Variants in LAMA1 observed in about 807,000 individuals in gnomAD.
The protein encoded by LAMA1 is laminin subunit alpha-1.
A neutral mutation model predicts 348.7 loss-of-function variants in LAMA1; 219 were observed. That is an observed-to-expected ratio of 0.63 (90% CI 0.56 to 0.70). LAMA1 has a LOEUF of 0.70. LAMA1 is among the 30% of genes least tolerant of loss of function. The probability of loss-of-function intolerance (pLI) is 0.00; values close to 1 mark genes in which losing one functional copy is unlikely to be tolerated. For synonymous variants in LAMA1, 1,487 were observed against 1,491.0 expected, an observed-to-expected ratio of 1.00 and a Z score of 0.06; for missense variants, 3,744 against 3,888.0, an observed-to-expected ratio of 0.96 and a Z score of 0.99.
In LAMA1 at chr18:7,072,094, TATG is replaced by T. The variant is rs1343991554; in HGVS notation, c.345+7878_345+7880del. 2.0e-5 allele frequency among the ~76,000 whole-genome samples: 3 copies of T among 152,242 alleles called. No homozygotes were observed. In the East Asian group the frequency reaches 5.8e-4, roughly 29 times the overall value. On this transcript the variant is annotated intron_variant, in intron 3 of 62. Coordinates refer to ENST00000389658, the MANE Select transcript of LAMA1 (RefSeq NM_005559.4). ...ACACTTATCTTATCTTCCATTTTTC[TATG>T]ATGATTCCATCTTAATTTCCTAATC...
chr18:7,057,716 T>A (rs1455385354), intron 3 of LAMA1, among the ~76,000 whole-genome samples: 2 of 151,886 alleles, frequency 1.3e-5, no homozygotes, highest in East Asian at 1.9e-4. Context: ...TGGGCTCAAG[T>A]GATCCACCCG....
intron 16 of LAMA1, among the ~76,000 whole-genome samples, chr18:7,027,526 A>G (rs1346496668): frequency 1.3e-5 from 2 of 151,542 alleles, no homozygotes. Flanking sequence ...AAATAACTAG[A>G]CATGAGAAAC....
chr18:7,062,526 G>A (rs1219237827), intron 3 of LAMA1, among the ~76,000 whole-genome samples: 2 of 152,168 alleles, frequency 1.3e-5, no homozygotes, highest in African/African-American at 2.4e-5. Context: ...CAGGGTCACC[G>A]GAGCTGAAGG....
intron 11 of LAMA1, chr18:7,038,573 T>G: frequency 1.7e-6 from 1 of 602,642 alleles, no homozygotes; most frequent in Non-Finnish European, 3.0e-6. Flanking sequence ...CAAGACGTGT[T>G]CTCTAGTGCC....
At chr18:7,116,826 C>T (rs543899999) in intron 1 of LAMA1, among the ~76,000 whole-genome samples, 4 of 148,714 alleles carry the variant, frequency 2.7e-5, no homozygotes, top group East Asian at 3.9e-4. Context: ...TTCTCTCTCT[C>T]TTTCTTTCTT....
chr18:6,947,372 G>A, intron 60 of LAMA1, 76 bp from the exon 61 acceptor site: 1 of 1,585,182 alleles, frequency 6.3e-7, no homozygotes, highest in Non-Finnish European at 8.6e-7. Flanking sequence ...TCCTGGCTAG[G>A]GGTTGGGGGA....
intron 62 of LAMA1, 42 bp downstream of exon 62, chr18:6,943,138 A>G: frequency 6.5e-7 from 1 of 1,540,966 alleles, no homozygotes; most frequent in Non-Finnish European, 9.0e-7. Flanking sequence ...TCCTCCAGGG[A>G]CAGTGCCCCT....
intron 19 of LAMA1, among the ~76,000 whole-genome samples, chr18:7,022,290 G>T (rs1055996575): frequency 2.6e-5 from 4 of 152,202 alleles, no homozygotes; most frequent in African/African-American, 9.7e-5. Flanking sequence ...GAAAAGAAAT[G>T]ACATGAAAAT....
intron 8 of LAMA1, 199 bp downstream of exon 8, chr18:7,043,028 A>G: frequency 1.7e-6 from 1 of 603,522 alleles, no homozygotes; most frequent in Non-Finnish European, 2.9e-6. Flanking sequence ...TTCAAGATAA[A>G]TAACAATGAC....
chr18:7,116,364 A>G (rs1199545991), intron 1 of LAMA1, among the ~76,000 whole-genome samples: 2 of 152,172 alleles, frequency 1.3e-5, no homozygotes, highest in African/African-American at 2.4e-5. Flanking sequence ...TCCCTCCCCA[A>G]AGGCTCCTTT....
At chr18:7,004,156 T>A (rs1323412020) in intron 29 of LAMA1, among the ~76,000 whole-genome samples, 1 of 152,108 alleles carries the variant, frequency 6.6e-6, no homozygotes, top group African/African-American at 2.4e-5. Flanking sequence ...GACCCCCTAA[T>A]GAGAACCAAA....
In LAMA1 at chr18:7,009,247, C is replaced by G; in HGVS notation, c.3993G>C (p.Gln1331His). ...LIKASYGQGL[Q>H]QSRISDISME... is the part of the protein sequence containing the mutation. ...CTAGAAGCTCCAAGTACCTGCTCTG[C>G]TGTAATCCTTGACCATACGATGCCT... Residue 1331 changes from glutamine (Q) to histidine (H), a missense_variant, in exon 27 of 63, where the codon CAG becomes CAC. Coordinates refer to ENST00000389658, the MANE Select transcript of LAMA1 (RefSeq NM_005559.4). 6.2e-7 allele frequency: 1 copy of G among 1,614,086 alleles called. No individual in the cohort carries two copies. The highest frequency in any genetic ancestry group is 8.5e-7 in the Non-Finnish European group (1 of 1,179,984).
Position 7,015,605 on chromosome 18 carries a change from A to T in LAMA1, c.3126+117T>A, listed in dbSNP as rs532010842. ...CACATTGAGTTTTTTTTTTTTTTTT[A>T]AATTCACAAAGCTATTCAACAGATT... On this transcript the variant is annotated intron_variant, in intron 22 of 62. Transcript: ENST00000389658. 441 of 901,452 alleles carry T rather than the reference A, an allele frequency of 4.9e-4. 1 individual carries two copies. The highest frequency in any genetic ancestry group is 1.3e-3 in the South Asian group (80 of 61,746). The allele number at this position is 901,452 out of a possible 1,614,324, so 55.8% of individuals were successfully genotyped here. A position where few individuals can be genotyped will look rare whatever the true frequency, so the allele number is the denominator to read the frequency against.
At chr18:7,021,154 C>T (rs927263283) in intron 19 of LAMA1, among the ~76,000 whole-genome samples, 4 of 152,142 alleles carry the variant, frequency 2.6e-5, no homozygotes, top group African/African-American at 9.7e-5. Flanking sequence ...TTCTTCCCAT[C>T]CTTCAGGTCT....
chr18:7,043,348 T>A lies in LAMA1; in HGVS notation c.1034A>T (p.Gln345Leu). ...TCCAGCAGTATTCAAACTTTTCTTC[T>A]GCTTTGCAACACTTTCATCATAGTA... ...DCYYDESVAK[Q>L]KKSLNTAGQF... is the part of the protein sequence containing the mutation. The change falls in exon 8 of 63, where the codon CAG becomes CTG. Residue 345 changes from glutamine (Q) to leucine (L), a missense_variant. Around this residue, in one of 3 missense-constraint regions of LAMA1, gnomAD observed 1,529 missense variants for 1,689.4 expected, o/e 0.91. Coordinates refer to ENST00000389658, the MANE Select transcript of LAMA1 (RefSeq NM_005559.4). 6.2e-7 allele frequency: 1 copy of A among 1,614,106 alleles called. No individual in the cohort carries two copies.
intron 5 of LAMA1, 144 bp from the exon 6 acceptor site, chr18:7,046,511 T>C (rs1280871350): frequency 1.8e-6 from 1 of 563,836 alleles, no homozygotes; most frequent in African/African-American, 1.9e-5. Flanking sequence ...TTAAAAATTA[T>C]ATTTCATGCA....
In LAMA1 at chr18:6,993,634, A is replaced by G. The variant is rs775494805; in HGVS notation, c.5008+7T>C. The G allele has an allele frequency of 1.9e-6, 3 of 1,590,348 alleles. No individual in the cohort carries two copies. Among genetic ancestry groups the G allele is most frequent in the Non-Finnish European group, 2.6e-6 (3 of 1,158,154 alleles). On this transcript the variant is annotated splice_region_variant and intron_variant, in intron 35 of 62. Transcript: ENST00000389658. ...AGATACTTCAAACTAGACACTGCCC[A>G]CACTACCTGTGATGCTCATCTGCAG...
chr18:7,031,643 C>T (rs1468108742), intron 16 of LAMA1, among the ~76,000 whole-genome samples: 1 of 137,352 alleles, frequency 7.3e-6, no homozygotes, highest in Non-Finnish European at 1.5e-5. Context: ...TTGGTGCCAC[C>T]ACACTCCAGC....
chr18:7,109,827 CT>C (rs1468455332), intron 1 of LAMA1, among the ~76,000 whole-genome samples: 1 of 152,046 alleles, frequency 6.6e-6, no homozygotes, highest in African/African-American at 2.4e-5. Flanking sequence ...CGGGGTTACT[CT>C]AACTGCAGTG....
Sources: allele counts gnomAD v4.1 joint callset (sites outside exome capture counted in the v4.1 genomes callset), GRCh38; gene constraint gnomAD v4.1.1; regional missense constraint gnomAD v4.1.1; transcripts MANE v1.5; gene names NCBI Gene and HGNC (gene_info 2026-07-23, HGNC 2026-07-21).